The following SYCP1 variants were observed in gnomAD, a reference collection of about 807,000 sequenced individuals.
SYCP1 encodes cancer/testis antigen 8.
A neutral mutation model predicts 153.1 loss-of-function variants in SYCP1; 64 were observed. The observed-to-expected ratio is 0.42, with a 90% confidence interval of 0.34 to 0.51. The LOEUF is 0.51. SYCP1 is among the 20% of genes least tolerant of loss of function. The pLI is 0.06. For synonymous variants in SYCP1, 384 were observed against 341.8 expected, an observed-to-expected ratio of 1.12 and a Z score of -1.36; for missense variants, 997 against 1,049.0, an observed-to-expected ratio of 0.95 and a Z score of 0.68.
chr1:114,965,763 G>T (rs1026704591), intron 27 of SYCP1, among the ~76,000 whole-genome samples: 1 of 152,122 alleles, frequency 6.6e-6, no homozygotes, highest in South Asian at 2.1e-4. Context: ...TTTTATTGAG[G>T]ATTATCACAT....
intron 21 of SYCP1, among the ~76,000 whole-genome samples, chr1:114,924,399 T>C (rs1669117112): frequency 6.6e-6 from 1 of 152,100 alleles, no homozygotes; most frequent in South Asian, 2.1e-4. Flanking sequence ...GTGGATTTTA[T>C]AGTAGAGGAA....
Position 114,946,181 on chromosome 1 carries a change from CTAAA to C in SYCP1, c.2155-104_2155-101del, listed in dbSNP as rs528985938. On this transcript the variant is annotated intron_variant, in intron 25 of 31. Transcript: ENST00000369522. ...ACATAAGTTTCTGCAAAATTAAATA[CTAAA>C]TAATTAATTAAATACTAAATTAAAT... 7.7e-5 allele frequency: 27 copies of C among 351,416 alleles called. 2 individuals carry two copies. The highest frequency in any genetic ancestry group is 7.1e-4 in the South Asian group (7 of 9,902). 21.8% of individuals were successfully genotyped at this position (351,416 alleles called of 1,614,324 possible).
At chr1:114,877,074 A>G (rs1225874525) in intron 11 of SYCP1, among the ~76,000 whole-genome samples, 1 of 152,098 alleles carries the variant, frequency 6.6e-6, no homozygotes. Flanking sequence ...TTGCCTCAAA[A>G]TATATTATTT....
chr1:114,925,299 G>GA (rs1669185644), intron 21 of SYCP1, among the ~76,000 whole-genome samples: 1 of 151,930 alleles, frequency 6.6e-6, no homozygotes, highest in African/African-American at 2.4e-5. Context: ...TGTTAATGGA[G>GA]AAAAACATGA....
At chr1:114,951,885 C>T (rs140332199) in intron 27 of SYCP1, among the ~76,000 whole-genome samples, 1 of 151,038 alleles carries the variant, frequency 6.6e-6, no homozygotes, top group Non-Finnish European at 1.5e-5. Flanking sequence ...TAGATGGATT[C>T]ATACACTATG....
At chr1:114,871,167 T>C (rs1441804894) in intron 8 of SYCP1, among the ~76,000 whole-genome samples, 2 of 152,048 alleles carry the variant, frequency 1.3e-5, no homozygotes, top group African/African-American at 2.4e-5. Flanking sequence ...CCCATCTTTT[T>C]TTTTTCTTTT....
intron 23 of SYCP1, among the ~76,000 whole-genome samples, chr1:114,936,317 A>G (rs886479029): frequency 6.6e-6 from 1 of 152,222 alleles, no homozygotes; most frequent in Non-Finnish European, 1.5e-5. Context: ...GATTATCTCA[A>G]TAGATGCAGA....
chr1:114,971,438 A>G (rs1381504448), intron 27 of SYCP1, among the ~76,000 whole-genome samples: 1 of 152,148 alleles, frequency 6.6e-6, no homozygotes, highest in East Asian at 1.9e-4. Context: ...CAGCAAGGCC[A>G]GTTTCACTCC....
At chr1:114,961,635 G>C (rs1012367547) in intron 27 of SYCP1, among the ~76,000 whole-genome samples, 1 of 152,106 alleles carries the variant, frequency 6.6e-6, no homozygotes, top group Non-Finnish European at 1.5e-5. Context: ...TAATTTTCAC[G>C]TATTTGCCTG....
intron 8 of SYCP1, 55 bp downstream of exon 8, chr1:114,860,864 TG>T: frequency 7.6e-7 from 1 of 1,314,982 alleles, no homozygotes; most frequent in South Asian, 1.5e-5. Context: ...CTGGTAGAGG[TG>T]GAGAGGGAAA....
intron 28 of SYCP1, among the ~76,000 whole-genome samples, chr1:114,978,474 T>A (rs1672939359): frequency 6.6e-6 from 1 of 151,610 alleles, no homozygotes; most frequent in Admixed American, 6.6e-5. Context: ...TCCCTACATA[T>A]GGAAGGAAAC....
At chr1:114,994,602 CTT>C in intron 30 of SYCP1, 94 bp from the exon 31 acceptor site, 1 of 887,824 alleles carries the variant, frequency 1.1e-6, no homozygotes, top group Non-Finnish European at 1.6e-6. Context: ...TCTTTCTACT[CTT>C]TGTTCTCCTC....
Position 114,857,215 on chromosome 1 carries a change from T to C in SYCP1, c.194-17T>C. 2.5e-6 allele frequency: 4 copies of C among 1,581,002 alleles called. No individual in the cohort carries two copies. The highest frequency in any genetic ancestry group is 1.4e-5 in the African/African-American group (1 of 73,688). The stretch of plus-strand genomic sequence containing the variant: ...AGATGTTGGCGTATTTAATACCTGT[T>C]GTCTTTTATCTTGCAGATCCTGCTT... On this transcript the variant is annotated splice_polypyrimidine_tract_variant and intron_variant, in intron 3 of 31. Coordinates refer to ENST00000369522, the MANE Select transcript of SYCP1 (RefSeq NM_003176.4).
intron 12 of SYCP1, among the ~76,000 whole-genome samples, chr1:114,879,832 A>T (rs1665794976): frequency 6.6e-6 from 1 of 151,888 alleles, no homozygotes; most frequent in African/African-American, 2.4e-5. Flanking sequence ...TTTTTTACTG[A>T]TCTGTTATCT....
intron 8 of SYCP1, among the ~76,000 whole-genome samples, chr1:114,861,024 A>G (rs938405594): frequency 2.0e-5 from 3 of 152,134 alleles, no homozygotes; most frequent in Admixed American, 6.5e-5. Flanking sequence ...GTCAAAGGGT[A>G]TATTCTTGAT....
In SYCP1 at chr1:114,895,446, A is replaced by G; in HGVS notation, c.1259-2A>G. The G allele has an allele frequency of 6.7e-7, 1 of 1,500,046 alleles. No homozygotes were observed. The highest frequency in any genetic ancestry group is 2.3e-5 in the East Asian group (1 of 43,092). The allele number at this position is 1,500,046 out of a possible 1,614,324, so 92.9% of individuals were successfully genotyped here. ...AACACATTTTTTTTTTGCTCATTTT[A>G]GAAGAGATGACTAAGCTTACAAATA... is the stretch of plus-strand genomic sequence containing the variant. On this transcript the variant is annotated splice_acceptor_variant, in intron 15 of 31. Coordinates refer to ENST00000369522, the MANE Select transcript of SYCP1 (RefSeq NM_003176.4). LOFTEE classifies it high-confidence loss of function.
rs1417280373 is a variant in SYCP1, at chr1:114,913,991, A to G, written c.1664A>G (p.Glu555Gly). 1.9e-6 allele frequency: 3 copies of G among 1,570,484 alleles called. No individual in the cohort carries two copies. Among genetic ancestry groups the G allele is most frequent in the African/African-American group, 1.4e-5 (1 of 73,150 alleles). The part of the protein sequence containing the change: ...QEDINNNKKQ[E>G]ERMLKQIENL... The stretch of plus-strand genomic sequence containing the variant: ...TTTCTTTAGAATAACAAAAAGCAAG[A>G]AGAAAGGATGTTGAAACAAATAGAA... Residue 555 changes from glutamate to glycine, a missense_variant, in exon 20 of 32, where the codon GAA (glutamate) becomes GGA (glycine). Physicochemically the swap from Glu to Gly is moderately conservative, Grantham distance 98. Transcript: ENST00000369522.
chr1:114,911,736 T>C (rs972464487), intron 18 of SYCP1, among the ~76,000 whole-genome samples, 154 bp downstream of exon 18: 1 of 152,102 alleles, frequency 6.6e-6, no homozygotes, highest in African/African-American at 2.4e-5. Flanking sequence ...GCTAATTTCA[T>C]TGCTAAAGAA....
In SYCP1 at chr1:114,881,056, T is replaced by TATATACACACACACACAC. The variant is rs375436670; in HGVS notation, c.910+2855_910+2856insTATACACACACACACACA. Reference sequence around the variant, plus strand: ...TGAACAGTATTCCAATTTGTGTATATACACACACACACACACACACACACA... The same window carrying TATATACACACACACACAC: ...TGAACAGTATTCCAATTTGTGTATATATATACACACACACACACACACACACACACACACACACACACA... On this transcript the variant is annotated intron_variant, in intron 12 of 31. Transcript: ENST00000369522. 2.0e-4 allele frequency among the ~76,000 whole-genome samples: 29 copies of TATATACACACACACACAC among 145,042 alleles called. 1 individual carries two copies. The highest frequency in any genetic ancestry group is 4.4e-4 in the South Asian group (2 of 4,552).
Sources: allele counts gnomAD v4.1 joint callset (sites outside exome capture counted in the v4.1 genomes callset), GRCh38; gene constraint gnomAD v4.1.1; transcripts MANE v1.5; gene names NCBI Gene and HGNC (gene_info 2026-07-23, HGNC 2026-07-21).